The following BAZ2B variants were observed in gnomAD, a reference collection of about 807,000 sequenced individuals.
BAZ2B encodes the protein bromodomain adjacent to zinc finger domain protein 2B.
Under a neutral mutation model 246.0 loss-of-function variants are expected in BAZ2B, and 91 were observed. The observed-to-expected ratio is 0.37, with a 90% CI of 0.31 to 0.44. The LOEUF (loss-of-function observed/expected upper bound fraction) is 0.44, where lower values mean the gene tolerates loss of function less well. Among genes scored for constraint, BAZ2B ranks in the 20% least tolerant of loss-of-function variants. BAZ2B has a pLI of 1.00. For synonymous variants in BAZ2B, 855 were observed against 860.0 expected (o/e 0.99, Z 0.10); for missense variants, 2,332 against 2,533.7 (o/e 0.92, Z 1.71).
the BAZ2B span, among the ~76,000 whole-genome samples, chr2:159,651,834 A>G: frequency 6.6e-6 from 1 of 152,186 alleles, no homozygotes; most frequent in Non-Finnish European, 1.5e-5. Flanking sequence ...TTCACATAGC[A>G]TAAGTTTTCA....
intron 31 of BAZ2B, among the ~76,000 whole-genome samples, chr2:159,340,651 C>T (rs973430969): frequency 4.6e-5 from 7 of 151,588 alleles, no homozygotes; most frequent in African/African-American, 1.7e-4. Flanking sequence ...AAAAAAAAAC[C>T]CTACCAGCCA....
the BAZ2B span, among the ~76,000 whole-genome samples, chr2:159,633,083 C>T: frequency 6.6e-6 from 1 of 151,504 alleles, no homozygotes; most frequent in African/African-American, 2.4e-5. Flanking sequence ...TATGATACTG[C>T]TGTTACATCA....
the BAZ2B span, among the ~76,000 whole-genome samples, chr2:159,655,677 T>A: frequency 6.6e-6 from 1 of 152,178 alleles, no homozygotes; most frequent in Admixed American, 6.5e-5. Flanking sequence ...TTTCTAATGA[T>A]CTCATTGGGT....
intron 2 of BAZ2B, among the ~76,000 whole-genome samples, chr2:159,483,863 A>G (rs972669041): frequency 6.6e-6 from 1 of 152,186 alleles, no homozygotes; most frequent in African/African-American, 2.4e-5. Context: ...AAAGACGACT[A>G]TAACCACAAA....
intron 1 of BAZ2B, among the ~76,000 whole-genome samples, chr2:159,590,541 A>G (rs997308868): frequency 1.3e-5 from 2 of 152,060 alleles, no homozygotes; most frequent in African/African-American, 2.4e-5. Context: ...GCAGTGAGCC[A>G]AGATCGTGCC....
intron 2 of BAZ2B, among the ~76,000 whole-genome samples, chr2:159,544,724 G>A (rs1265134306): frequency 6.6e-6 from 1 of 152,190 alleles, no homozygotes; most frequent in Non-Finnish European, 1.5e-5. Context: ...CCTCTTTGAA[G>A]AATGGATTGG....
the BAZ2B span, among the ~76,000 whole-genome samples, chr2:159,666,257 CTTTTTTT>C: frequency 2.1e-5 from 2 of 94,216 alleles, no homozygotes; most frequent in Non-Finnish European, 4.3e-5. Flanking sequence ...TTTTATGATT[CTTTTTTT>C]TTTTTTTTTT....
At chr2:159,342,440 T>A (rs1466959488) in intron 31 of BAZ2B, among the ~76,000 whole-genome samples, 3 of 152,140 alleles carry the variant, frequency 2.0e-5, no homozygotes, top group African/African-American at 7.2e-5. Context: ...CACGTGTCAC[T>A]ACGCCCACCT....
At chr2:159,481,047 T>C (rs995089577) in intron 2 of BAZ2B, among the ~76,000 whole-genome samples, 3 of 140,536 alleles carry the variant, frequency 2.1e-5, no homozygotes, top group Middle Eastern at 7.4e-3. Context: ...TACTGCAAGT[T>C]CATCTTACAC....
At chr2:159,420,557 T>C (rs371316749) in intron 13 of BAZ2B, among the ~76,000 whole-genome samples, 1 of 152,160 alleles carries the variant, frequency 6.6e-6, no homozygotes, top group Non-Finnish European at 1.5e-5. Flanking sequence ...GAAATAAACT[T>C]AAGGTCTTTA....
the BAZ2B span, chr2:159,711,025 G>T: frequency 7.2e-5 from 11 of 152,300 alleles, no homozygotes; most frequent in Admixed American, 5.2e-4. Context: ...CAATGCTACA[G>T]AGCATGGGTA....
At chr2:159,611,447 T>C (rs1293916127) in intron 1 of BAZ2B, among the ~76,000 whole-genome samples, 1 of 151,816 alleles carries the variant, frequency 6.6e-6, no homozygotes, top group Admixed American at 6.6e-5. Context: ...GTAAAAAGGG[T>C]TGAGAAAGCA....
At chr2:159,558,567 G>A (rs1038975133) in intron 1 of BAZ2B, among the ~76,000 whole-genome samples, 1 of 152,036 alleles carries the variant, frequency 6.6e-6, no homozygotes, top group Admixed American at 6.6e-5. Context: ...GCTCCAGCAG[G>A]TAGAAATTTA....
intron 27 of BAZ2B, among the ~76,000 whole-genome samples, chr2:159,368,751 A>AT (rs1431010167): frequency 7.3e-5 from 11 of 151,154 alleles, no homozygotes; most frequent in South Asian, 2.1e-4. Context: ...GCTTATTAAT[A>AT]TTTTTTTGCA....
chr2:159,382,933 A>G, intron 24 of BAZ2B, 131 bp from the exon 25 acceptor site: 2 of 1,167,056 alleles, frequency 1.7e-6, no homozygotes, highest in South Asian at 3.9e-5. Flanking sequence ...TACCAATGTT[A>G]AAAAAAATTA....
intron 11 of BAZ2B, among the ~76,000 whole-genome samples, chr2:159,428,851 T>C (rs536213004): frequency 1.3e-5 from 2 of 152,112 alleles, no homozygotes; most frequent in Non-Finnish European, 2.9e-5. Flanking sequence ...CCCTCAATTT[T>C]GACCAAAGTG....
intron 1 of BAZ2B, among the ~76,000 whole-genome samples, chr2:159,600,713 C>A (rs1167819047): frequency 1.3e-5 from 2 of 152,216 alleles, no homozygotes; most frequent in East Asian, 3.9e-4. Context: ...AGAGAATATT[C>A]AGAAATGTCC....
rs1312833981 is a variant in BAZ2B, at chr2:159,582,342, C to T, written c.-45-26477G>A. Among the ~76,000 whole-genome samples the T allele has an allele frequency of 3.3e-5, 5 of 152,240 alleles. No homozygotes were observed. In the East Asian group the frequency reaches 9.6e-4, roughly 29 times the overall value. ...ATGAATGGACAGATTTGAGTTTCTCCGGTAAGAATATATCGCTTTGTAATA... is the reference window on the plus strand; with the variant it reads ...ATGAATGGACAGATTTGAGTTTCTCTGGTAAGAATATATCGCTTTGTAATA... On this transcript the variant is annotated intron_variant, in intron 1 of 36. Coordinates refer to ENST00000392783, the MANE Select transcript of BAZ2B (RefSeq NM_013450.4).
chr2:159,523,668 A>G (rs2084396811), intron 2 of BAZ2B, among the ~76,000 whole-genome samples: 1 of 152,186 alleles, frequency 6.6e-6, no homozygotes, highest in South Asian at 2.1e-4. Flanking sequence ...ACTGCACCCC[A>G]GCCTGGGTGA....
Sources: gnomAD v4.1 joint callset for allele counts (sites outside exome capture counted in the v4.1 genomes callset) on GRCh38, gnomAD v4.1.1 for gene constraint, MANE v1.5 for transcripts, NCBI Gene and HGNC (gene_info 2026-07-23, HGNC 2026-07-21) for gene names.